The following ACLY variants were observed in gnomAD, a reference collection of about 807,000 sequenced individuals.
The protein encoded by ACLY is ATP citrate lyase.
In ACLY, 41 loss-of-function variants were observed where a neutral mutation model predicts 133.0. The observed-to-expected ratio is 0.31, with a 90% CI of 0.24 to 0.40. The LOEUF is 0.40. Ranked by LOEUF, ACLY falls within the 10% of genes least tolerant of loss-of-function variation. ACLY has a pLI of 1.00. For missense variants in ACLY, 1,046 were observed against 1,453.8 expected, an observed-to-expected ratio of 0.72 and a Z score of 4.56; for synonymous variants, 495 against 549.3, an observed-to-expected ratio of 0.90 and a Z score of 1.38.
chr17:41,916,378 G>GT (rs71155191), intron 1 of ACLY, among the ~76,000 whole-genome samples: 7,099 of 141,064 alleles, frequency 0.05, 477 homozygotes, highest in African/African-American at 0.16. Flanking sequence ...GTTTTGTTTT[G>GT]TTTTTTTTTT....
chr17:41,875,586 C>T lies in ACLY; in HGVS notation c.2488-1621G>A, dbSNP rs565986844. Among the ~76,000 whole-genome samples the T allele has an allele frequency of 5.2e-3, 794 of 152,220 alleles. 3 individuals carry two copies. The highest frequency in any genetic ancestry group is 8.7e-3 in the Non-Finnish European group (592 of 68,004). On this transcript the variant is annotated intron_variant, in intron 22 of 28. Transcript: ENST00000352035. Reference sequence around the variant, plus strand: ...CCTGCCGAGTGCCTGCGATTGCAGGCGCGCGCCGCCACGCCTGACTGGTTT... The same window carrying T: ...CCTGCCGAGTGCCTGCGATTGCAGGTGCGCGCCGCCACGCCTGACTGGTTT...
intron 17 of ACLY, among the ~76,000 whole-genome samples, chr17:41,887,314 CT>C (rs1302863308): frequency 6.6e-6 from 1 of 151,832 alleles, no homozygotes; most frequent in Admixed American, 6.6e-5. Context: ...TGGCGGGTGC[CT>C]GTAATCCCAG....
chr17:41,877,998 G>T, intron 22 of ACLY, 105 bp downstream of exon 22: 1 of 600,610 alleles, frequency 1.7e-6, no homozygotes, highest in Non-Finnish European at 2.6e-6. Flanking sequence ...GACTAATACA[G>T]AAGGCCTGGT....
At position 41,887,615 on chromosome 17, in the gene ACLY, A is replaced by G. The variant is rs782598021; in HGVS notation, c.1859T>C (p.Ile620Thr). The G allele has an allele frequency of 4.3e-6, 7 of 1,613,652 alleles. No individual in the cohort carries two copies. Among genetic ancestry groups the G allele is most frequent in the Non-Finnish European group, 5.9e-6 (7 of 1,179,794 alleles). ...IKKADQKGVT[I>T]IGPATVGGIK... ...GAAGCTCACAGTGGCAGGTCCGATG[A>G]TGGTCACTCCCTTCTGGTCCGCCTT... Residue 620 changes from isoleucine to threonine, a missense_variant, in exon 17 of 29, where the codon ATC becomes ACC. Around this residue, in one of 4 missense-constraint regions of ACLY, gnomAD observed 575 missense variants for 804.2 expected, o/e 0.71. Coordinates refer to ENST00000352035, the MANE Select transcript of ACLY (RefSeq NM_001096.3).
intron 18 of ACLY, among the ~76,000 whole-genome samples, chr17:41,885,447 TA>T (rs2049023849): frequency 6.6e-6 from 1 of 152,202 alleles, no homozygotes; most frequent in Non-Finnish European, 1.5e-5. Context: ...ATAGTAGGAA[TA>T]ATAAACAATA....
At chr17:41,916,824 C>T (rs782188276) in intron 1 of ACLY, among the ~76,000 whole-genome samples, 14 of 152,014 alleles carry the variant, frequency 9.2e-5, no homozygotes, top group South Asian at 2.1e-4. Context: ...GACAATGATC[C>T]GATGGCCCAC....
chr17:41,905,221 G>T (rs556116822), intron 9 of ACLY, among the ~76,000 whole-genome samples: 3 of 152,164 alleles, frequency 2.0e-5, no homozygotes, highest in Non-Finnish European at 4.4e-5. Flanking sequence ...TATCGCAATC[G>T]GATAAACTGA....
At chr17:41,882,781 C>T (rs76250655) in intron 20 of ACLY, among the ~76,000 whole-genome samples, 1,818 of 152,332 alleles carry the variant, frequency 0.012, 17 homozygotes, top group Non-Finnish European at 0.013. Context: ...CCTTGGCCTC[C>T]CTTTCATCAG....
At position 41,882,367 on chromosome 17, in the gene ACLY, C is replaced by CAAAAAAAAAAAAAAAAA. The variant is rs34078258; in HGVS notation, c.2265+738_2265+754dup. Among the ~76,000 whole-genome samples, 16 of 40,252 alleles carry CAAAAAAAAAAAAAAAAA rather than the reference C, an allele frequency of 4.0e-4. 3 individuals carry two copies. The highest frequency in any genetic ancestry group is 2.0e-3 in the East Asian group (2 of 1,014). The allele number at this position is 40,252 out of a possible 152,430, so 26.4% of individuals were successfully genotyped here. On this transcript the variant is annotated intron_variant, in intron 20 of 28. Coordinates refer to ENST00000352035, the MANE Select transcript of ACLY (RefSeq NM_001096.3). ...GGGCGACAGAGTGAGACCCTGTCTC[C>CAAAAAAAAAAAAAAAAA]AAAAAAAAAAAAAAAAAAAAAAAAA...
At chr17:41,917,958 C>G (rs2050096356) in intron 1 of ACLY, among the ~76,000 whole-genome samples, 2 of 152,216 alleles carry the variant, frequency 1.3e-5, no homozygotes, top group African/African-American at 4.8e-5. Flanking sequence ...AGTAGGCTAG[C>G]TGGCCAAACT....
Position 41,878,087 on chromosome 17 carries a change from C to T in ACLY, c.2487+16G>A, listed in dbSNP as rs370301105. ...TCTCCCTTGCTCACACTGTTAGAGA[C>T]ATTTAAGGCACCTACCCTGGCCCAG... On this transcript the variant is annotated intron_variant, in intron 22 of 28. Coordinates refer to ENST00000352035, the MANE Select transcript of ACLY (RefSeq NM_001096.3). 3.0e-5 allele frequency: 45 copies of T among 1,517,126 alleles called. No individual in the cohort carries two copies. The African/African-American group carries it at 5.8e-4, about 20-fold the overall frequency. The allele number at this position is 1,517,126 out of a possible 1,614,324, so 94.0% of individuals were successfully genotyped here.
At chr17:41,916,022 G>C (rs1337717391) in intron 1 of ACLY, among the ~76,000 whole-genome samples, 2 of 152,154 alleles carry the variant, frequency 1.3e-5, no homozygotes, top group African/African-American at 2.4e-5. Flanking sequence ...CCCAACTTTG[G>C]AAAGGACAAG....
upstream of ACLY, among the ~76,000 whole-genome samples, chr17:41,921,269 G>C (rs1555635391): frequency 1.3e-5 from 2 of 152,062 alleles, no homozygotes; most frequent in Non-Finnish European, 2.9e-5. Context: ...TTGCACTCCA[G>C]CCTGGGCCAC....
At chr17:41,886,894 G>A (rs940215300) in intron 17 of ACLY, among the ~76,000 whole-genome samples, 1 of 151,932 alleles carries the variant, frequency 6.6e-6, no homozygotes, top group Admixed American at 6.6e-5. Flanking sequence ...GAGGCTGTAG[G>A]GGGCAGACTA....
In ACLY at chr17:41,872,041, C is replaced by T; in HGVS notation, c.2784G>A (p.Leu928=). Residue 928 remains leucine (L), a synonymous_variant, in exon 24 of 29, where the codon CTG becomes CTA. Coordinates refer to ENST00000352035, the MANE Select transcript of ACLY (RefSeq NM_001096.3). ...TGATGACAGTACTTACGATGGTGAG[C>T]AGCCCCGAGGTGAGGCTGGAGACCA... The part of the protein sequence containing the change: ...KDLVSSLTSG[L]LTIGDRFGGA... 6.2e-7 allele frequency: 1 copy of T among 1,614,004 alleles called. No individual in the cohort carries two copies. The highest frequency in any genetic ancestry group is 1.1e-5 in the South Asian group (1 of 91,070).
chr17:41,903,633 G>A (rs900656297), intron 10 of ACLY, among the ~76,000 whole-genome samples: 48 of 151,800 alleles, frequency 3.2e-4, no homozygotes, highest in African/African-American at 1.1e-3. Context: ...GCGGGCACCT[G>A]TAGTCCCAGC....
intron 21 of ACLY, 28 bp from the exon 22 acceptor site, chr17:41,878,224 A>G (rs753402057): frequency 4.0e-6 from 6 of 1,499,502 alleles, no homozygotes; most frequent in Non-Finnish European, 5.4e-6. Flanking sequence ...AAAGACATCC[A>G]TGTGGATTTT....
chr17:41,927,782 CGCCACTGCACTCCA>C (rs1472814192), intron 1 of ACLY, among the ~76,000 whole-genome samples: 32 of 151,554 alleles, frequency 2.1e-4, no homozygotes, highest in African/African-American at 7.5e-4. Context: ...GCTGAGATCA[CGCCACTGCACTCCA>C]GCCTGGGTGA....
chr17:41,869,617 C>T, intron 25 of ACLY, 30 bp from the exon 26 acceptor site: 1 of 1,537,128 alleles, frequency 6.5e-7, no homozygotes, highest in South Asian at 1.1e-5. Context: ...TACAGAGGAA[C>T]ACTCACACAC....
Sources: allele counts gnomAD v4.1 joint callset (sites outside exome capture counted in the v4.1 genomes callset), GRCh38; gene constraint gnomAD v4.1.1; regional missense constraint gnomAD v4.1.1; transcripts MANE v1.5; gene names NCBI Gene and HGNC (gene_info 2026-07-23, HGNC 2026-07-21).